OCLN: variants seen among roughly 807,000 people sequenced by gnomAD.
OCLN encodes phosphatase 1, regulatory subunit 115.
A neutral mutation model predicts 47.9 loss-of-function variants in OCLN; 21 were observed. The observed-to-expected ratio is 0.44, with a 90% CI of 0.31 to 0.63. The LOEUF (loss-of-function observed/expected upper bound fraction) is 0.63. Ranked by LOEUF, OCLN falls within the 30% of genes least tolerant of loss-of-function variation. OCLN has a pLI of 0.08. For missense variants in OCLN, 360 were observed against 571.0 expected, an observed-to-expected ratio of 0.63 and a Z score of 3.77; for synonymous variants, 117 against 198.4, an observed-to-expected ratio of 0.59 and a Z score of 3.45.
intron 5 of OCLN, among the ~76,000 whole-genome samples, chr5:69,536,468 C>T (rs1276309843): frequency 1.5e-5 from 2 of 129,562 alleles, no homozygotes; most frequent in African/African-American, 5.7e-5. Flanking sequence ...GTCAGGAGTT[C>T]GAGACCAGCC....
chr5:69,516,529 G>A (rs909744430), intron 4 of OCLN, among the ~76,000 whole-genome samples: 2 of 152,096 alleles, frequency 1.3e-5, no homozygotes, highest in Non-Finnish European at 2.9e-5. Context: ...GGAGAGGGGG[G>A]AGAGGGAGAG....
Position 69,514,086 on chromosome 5 carries a change from C to A in OCLN, c.868C>A (p.Gln290Lys), listed in dbSNP as rs1380679015. The A allele has an allele frequency of 6.2e-7, 1 of 1,613,944 alleles. No homozygotes were observed. The highest frequency in any genetic ancestry group is 1.3e-5 in the African/African-American group (1 of 74,922). ...LWDKEHIYDE[Q>K]PPNVEEWVKN... is the part of the protein sequence containing the mutation. Reference sequence around the variant, plus strand: ...GGACAAGGAACACATTTATGATGAGCAGCCCCCCAATGTCGAGGAGTGGGT... The same window carrying A: ...GGACAAGGAACACATTTATGATGAGAAGCCCCCCAATGTCGAGGAGTGGGT... The change falls in exon 4 of 9, where the codon CAG becomes AAG. Residue 290 changes from glutamine to lysine, a missense_variant. Around this residue, in one of 3 missense-constraint regions of OCLN, gnomAD observed 314 missense variants for 368.1 expected, o/e 0.85. Transcript: ENST00000396442.
intron 4 of OCLN, among the ~76,000 whole-genome samples, chr5:69,520,148 G>A (rs943550102): frequency 2.0e-5 from 3 of 151,992 alleles, no homozygotes; most frequent in African/African-American, 7.3e-5. Context: ...TAGTAGAGAT[G>A]GGGTTTTGTC....
At chr5:69,507,781 T>C (rs1386337191) in intron 2 of OCLN, among the ~76,000 whole-genome samples, 1 of 151,924 alleles carries the variant, frequency 6.6e-6, no homozygotes, top group Non-Finnish European at 1.5e-5. Context: ...AGTTTTTGTA[T>C]TTTCAGTAGA....
intron 4 of OCLN, among the ~76,000 whole-genome samples, chr5:69,526,908 T>G (rs997565955): frequency 2.6e-5 from 4 of 152,186 alleles, no homozygotes; most frequent in Non-Finnish European, 5.9e-5. Flanking sequence ...AACATTCGTG[T>G]TACATACATC....
intron 4 of OCLN, among the ~76,000 whole-genome samples, chr5:69,530,046 C>T (rs926230930): frequency 1.9e-4 from 29 of 152,268 alleles, no homozygotes; most frequent in African/African-American, 7.0e-4. Context: ...CTCAAGTACT[C>T]ATTCTTTAAA....
intron 4 of OCLN, among the ~76,000 whole-genome samples, chr5:69,517,813 G>C (rs1315204305): frequency 6.6e-6 from 1 of 151,966 alleles, no homozygotes; most frequent in African/African-American, 2.4e-5. Context: ...TCACTTTAAA[G>C]TGTGAAGGTG....
intron 4 of OCLN, among the ~76,000 whole-genome samples, chr5:69,522,587 C>T (rs2112024934): frequency 6.6e-6 from 1 of 152,224 alleles, no homozygotes; most frequent in Non-Finnish European, 1.5e-5. Context: ...TTGTTTTTAA[C>T]ATCCAGGATA....
chr5:69,497,992 C>T (rs559615778), intron 1 of OCLN, among the ~76,000 whole-genome samples: 21 of 151,874 alleles, frequency 1.4e-4, no homozygotes, highest in South Asian at 2.1e-4. Context: ...ATTAGCCGGG[C>T]GTAGTGGCGG....
At chr5:69,494,191 G>C (rs879774981) in intron 1 of OCLN, among the ~76,000 whole-genome samples, 6 of 151,302 alleles carry the variant, frequency 4.0e-5, no homozygotes, top group Non-Finnish European at 7.4e-5. Context: ...GTGCTTGTGT[G>C]TGTGTGTGTG....
intron 1 of OCLN, among the ~76,000 whole-genome samples, chr5:69,498,564 T>A (rs1224624092): frequency 6.6e-6 from 1 of 152,178 alleles, no homozygotes; most frequent in Non-Finnish European, 1.5e-5. Context: ...CACCCTTCAG[T>A]ATCTGTGAGA....
chr5:69,520,717 CTG>C (rs1769113749), intron 4 of OCLN, among the ~76,000 whole-genome samples: 1 of 151,960 alleles, frequency 6.6e-6, no homozygotes, highest in South Asian at 2.1e-4. Context: ...GGGTGTAGCT[CTG>C]TCACCCGTGT....
intron 7 of OCLN, among the ~76,000 whole-genome samples, chr5:69,549,357 A>G (rs2112090290): frequency 6.7e-6 from 1 of 148,968 alleles, no homozygotes; most frequent in East Asian, 1.9e-4. Context: ...AAAAAAAAAA[A>G]AAAAAAGAAC....
chr5:69,527,710 CAA>C (rs1238689056), intron 4 of OCLN, among the ~76,000 whole-genome samples: 1 of 152,026 alleles, frequency 6.6e-6, no homozygotes, highest in Non-Finnish European at 1.5e-5. Flanking sequence ...TTTATTGCCA[CAA>C]AGAGTCTATT....
chr5:69,502,286 G>A (rs549987068), intron 1 of OCLN: 2 of 116,410 alleles, frequency 1.7e-5, no homozygotes, highest in Admixed American at 1.8e-4. Flanking sequence ...ATGTATGATT[G>A]TACAGACCGT....
At chr5:69,525,315 A>G (rs1244246192) in intron 4 of OCLN, among the ~76,000 whole-genome samples, 1 of 151,946 alleles carries the variant, frequency 6.6e-6, no homozygotes, top group East Asian at 1.9e-4. Context: ...CATGTTAGCC[A>G]GGATGGTCTC....
intron 4 of OCLN, among the ~76,000 whole-genome samples, chr5:69,533,258 A>G (rs1377800621): frequency 6.6e-6 from 1 of 152,050 alleles, no homozygotes; most frequent in African/African-American, 2.4e-5. Context: ...AGCTGAGGCA[A>G]AATTAATATA....
chr5:69,516,134 G>A (rs913689171), intron 4 of OCLN, among the ~76,000 whole-genome samples: 1 of 151,888 alleles, frequency 6.6e-6, no homozygotes, highest in Non-Finnish European at 1.5e-5. Context: ...ACTTTGGGAG[G>A]CCAAGGCAGG....
chr5:69,498,862 A>G (rs1034392585), intron 1 of OCLN, among the ~76,000 whole-genome samples: 1 of 152,106 alleles, frequency 6.6e-6, no homozygotes, highest in Non-Finnish European at 1.5e-5. Context: ...TATTTTTAGT[A>G]GAGACAGGGT....
Sources: gnomAD v4.1 joint callset for allele counts (sites outside exome capture counted in the v4.1 genomes callset) on GRCh38, gnomAD v4.1.1 for gene constraint, gnomAD v4.1.1 regional missense constraint, MANE v1.5 for transcripts, NCBI Gene and HGNC (gene_info 2026-07-23, HGNC 2026-07-21) for gene names.